The following SOX5 variants were observed in gnomAD, a reference collection of about 807,000 sequenced individuals.
SOX5 encodes SRY-box transcription factor 5.
SOX5 carries 9 observed loss-of-function variants against 92.0 expected under a neutral mutation model. The ratio of observed to expected loss-of-function variants is 0.10; its 90% CI spans 0.06 to 0.17. SOX5 has a LOEUF of 0.17. Among genes scored for constraint, SOX5 ranks in the 10% least tolerant of loss-of-function variants. The probability of loss-of-function intolerance (pLI) is 1.00; values close to 1 mark genes in which losing one functional copy is unlikely to be tolerated. For synonymous variants in SOX5, 344 were observed against 336.3 expected, an observed-to-expected ratio of 1.02 and a Z score of -0.25; for missense variants, 642 against 944.5, an observed-to-expected ratio of 0.68 and a Z score of 4.20.
At chr12:24,230,541 T>G (rs1374856229) in intron 3 of SOX5, 1 of 152,084 alleles carries the variant, frequency 6.6e-6, no homozygotes, top group Non-Finnish European at 1.5e-5. Flanking sequence ...ATATGTAACA[T>G]CTTCTGTTTA....
At chr12:23,538,663 C>A (rs1339276692) in intron 13 of SOX5, among the ~76,000 whole-genome samples, 1 of 152,062 alleles carries the variant, frequency 6.6e-6, no homozygotes, top group Non-Finnish European at 1.5e-5. Flanking sequence ...AACTTCAGAT[C>A]AGGGAGTGGA....
At chr12:24,173,110 C>G (rs570149653) in intron 4 of SOX5, among the ~76,000 whole-genome samples, 20 of 152,294 alleles carry the variant, frequency 1.3e-4, no homozygotes, top group African/African-American at 4.6e-4. Flanking sequence ...AATCACACTC[C>G]CGTGCCATCT....
At chr12:24,180,847 A>G (rs563550155) in intron 4 of SOX5, among the ~76,000 whole-genome samples, 1 of 152,240 alleles carries the variant, frequency 6.6e-6, no homozygotes, top group African/African-American at 2.4e-5. Flanking sequence ...ACAAAGTCTA[A>G]GTAGTTAATG....
At chr12:23,914,344 C>A (rs769183659) in intron 1 of SOX5, among the ~76,000 whole-genome samples, 60 of 152,020 alleles carry the variant, frequency 3.9e-4, no homozygotes, top group Middle Eastern at 3.4e-3. Flanking sequence ...TGATGCTTTC[C>A]AGTTATAATA....
intron 3 of SOX5, among the ~76,000 whole-genome samples, chr12:23,793,101 C>T (rs2142000152): frequency 6.6e-6 from 1 of 152,264 alleles, no homozygotes; most frequent in East Asian, 1.9e-4. Context: ...TTCGAACTTC[C>T]TCTGAAATTA....
chr12:24,510,018 AGG>A lies in SOX5; in HGVS notation c.-251+52309_-251+52310del, dbSNP rs1949160644. On this transcript the variant is annotated intron_variant, in intron 1 of 4. Coordinates refer to the SOX5 transcript ENST00000446891. ...ATTTCTCTTCACTTAATCTGTATTA[AGG>A]GCTTCACAAACAGTTTTAAAAACAA... Among the ~76,000 whole-genome samples the A allele has an allele frequency of 2.0e-5, 3 of 152,248 alleles. No homozygotes were observed. In the South Asian group the frequency reaches 6.2e-4, roughly 32 times the overall value.
chr12:23,829,191 C>T (rs941597249), intron 3 of SOX5, among the ~76,000 whole-genome samples: 2 of 152,070 alleles, frequency 1.3e-5, no homozygotes, highest in Non-Finnish European at 2.9e-5. Flanking sequence ...GCTTGATATC[C>T]ACTTCTTCAT....
intron 2 of SOX5, among the ~76,000 whole-genome samples, chr12:23,866,703 C>G (rs1295560984): frequency 6.6e-6 from 1 of 152,178 alleles, no homozygotes; most frequent in East Asian, 1.9e-4. Flanking sequence ...CTTTTCCTAG[C>G]TTTCTGATGG....
intron 3 of SOX5, among the ~76,000 whole-genome samples, chr12:24,226,454 T>C (rs1208170138): frequency 3.3e-5 from 5 of 152,120 alleles, no homozygotes; most frequent in African/African-American, 1.2e-4. Context: ...CATAGAGATC[T>C]TCCTCATTAT....
chr12:24,523,826 G>A (rs1053311510), intron 1 of SOX5, among the ~76,000 whole-genome samples: 8 of 152,078 alleles, frequency 5.3e-5, no homozygotes, highest in Admixed American at 1.3e-4. Context: ...TTGTGACATC[G>A]GTCTTGGCAA....
chr12:24,405,040 C>T (rs112975015), intron 1 of SOX5, among the ~76,000 whole-genome samples: 32 of 152,242 alleles, frequency 2.1e-4, no homozygotes, highest in African/African-American at 7.2e-4. Context: ...ACAGATTCTT[C>T]GCCTGCAGCC....
At chr12:24,536,796 C>T (rs745885453) in intron 1 of SOX5, among the ~76,000 whole-genome samples, 2 of 152,090 alleles carry the variant, frequency 1.3e-5, no homozygotes, top group Non-Finnish European at 2.9e-5. Flanking sequence ...AAGCAGCATT[C>T]GTAATGTTAT....
intron 1 of SOX5, among the ~76,000 whole-genome samples, chr12:24,451,126 T>G (rs1942237287): frequency 6.6e-6 from 1 of 152,244 alleles, no homozygotes; most frequent in Admixed American, 6.5e-5. Flanking sequence ...TGACAGGATC[T>G]CATCCTTTTT....
chr12:24,068,818 A>C (rs1270394196), intron 4 of SOX5, among the ~76,000 whole-genome samples: 1 of 148,410 alleles, frequency 6.7e-6, no homozygotes, highest in Non-Finnish European at 1.5e-5. Flanking sequence ...TATATACATA[A>C]GGCAAAAAAG....
intron 2 of SOX5, among the ~76,000 whole-genome samples, chr12:24,309,407 A>T (rs2140770439): frequency 1.3e-5 from 2 of 152,336 alleles, no homozygotes; most frequent in South Asian, 4.1e-4. Flanking sequence ...TTTGCTGAGA[A>T]GTAAGCTATT....
intron 6 of SOX5, among the ~76,000 whole-genome samples, chr12:23,704,924 A>G (rs935283089): frequency 6.6e-6 from 1 of 151,476 alleles, no homozygotes; most frequent in Non-Finnish European, 1.5e-5. Flanking sequence ...TTCATCCAAT[A>G]TTATTCTAAA....
intron 4 of SOX5, among the ~76,000 whole-genome samples, chr12:23,985,803 C>A (rs901505493): frequency 6.6e-6 from 1 of 152,000 alleles, no homozygotes; most frequent in Non-Finnish European, 1.5e-5. Flanking sequence ...ATGGGTCTCA[C>A]TGAGCTAAAA....
intron 4 of SOX5, among the ~76,000 whole-genome samples, chr12:24,065,791 A>C (rs1940638302): frequency 6.6e-6 from 1 of 152,176 alleles, no homozygotes; most frequent in Admixed American, 6.6e-5. Flanking sequence ...CTTTGTGCCC[A>C]GGCCCTTAAT....
intron 1 of SOX5, among the ~76,000 whole-genome samples, chr12:24,397,095 C>A (rs768211973): frequency 2.0e-5 from 3 of 152,082 alleles, no homozygotes; most frequent in Non-Finnish European, 4.4e-5. Context: ...ATTTGAGGTG[C>A]GTGTTTAGAA....
Sources: gnomAD v4.1 joint callset for allele counts (sites outside exome capture counted in the v4.1 genomes callset) on GRCh38, gnomAD v4.1.1 for gene constraint, MANE v1.5 for transcripts, NCBI Gene and HGNC (gene_info 2026-07-23, HGNC 2026-07-21) for gene names.